ZCCHC18: variants seen among roughly 807,000 people sequenced by gnomAD.
ZCCHC18 encodes zinc finger CCHC domain-containing protein 18.
For synonymous variants in ZCCHC18, 112 were observed against 115.7 expected (o/e 0.97, Z 0.21); for missense variants, 292 against 305.1 (o/e 0.96, Z 0.32).
Position 104,115,030 on chromosome X carries a change from G to A in ZCCHC18, c.919G>A (p.Val307Met), listed in dbSNP as rs782671535. 8.4e-7 allele frequency: 1 copy of A among 1,195,346 alleles called. No homozygotes were observed. Among genetic ancestry groups the A allele is most frequent in the South Asian group, 1.8e-5 (1 of 54,741 alleles). ...AGGAAGAGCCAGACCTCTGGATCAAGTGCTGGTTATTGATTCCCCCAACAA... is the reference window on the plus strand; with the variant it reads ...AGGAAGAGCCAGACCTCTGGATCAAATGCTGGTTATTGATTCCCCCAACAA... Reference protein sequence around the residue: ...FRGRARPLDQVLVIDSPNNSG... With the variant: ...FRGRARPLDQMLVIDSPNNSG... The change falls in exon 3 of 3, where the codon GTG becomes ATG. Residue 307 changes from valine to methionine, a missense_variant. Transcript: ENST00000650639.
In ZCCHC18 at chrX:104,115,154, G is replaced by A. The variant is rs782582436; in HGVS notation, c.1043G>A (p.Arg348His). 211 of 1,206,481 alleles carry A rather than the reference G, an allele frequency of 1.7e-4. No individual in the cohort carries two copies. The highest frequency in any genetic ancestry group is 2.3e-4 in the Middle Eastern group (1 of 4,349). ...RRARKRKYTT[R>H]CSYCGEEGHS... ...GCCAGGAAGCGAAAATACACAACCC[G>A]CTGCTCATATTGTGGGGAGGAGGGC... Residue 348 changes from arginine (R) to histidine (H), a missense_variant, in exon 3 of 3, where the codon CGC becomes CAC. Transcript: ENST00000650639.
chrX:104,114,727 C>T lies in ZCCHC18; in HGVS notation c.616C>T (p.Leu206Phe). 2 of 1,211,915 alleles carry T rather than the reference C, an allele frequency of 1.7e-6. No homozygotes were observed. The highest frequency in any genetic ancestry group is 2.2e-6 in the Non-Finnish European group (2 of 895,574). ...LRMYANKQERLPNFLELIKMI... is the reference protein window; with the variant it reads ...LRMYANKQERFPNFLELIKMI... The stretch of plus-strand genomic sequence containing the variant: ...GATGTATGCAAATAAGCAGGAGCGG[C>T]TTCCCAATTTCCTGGAGTTAATCAA... Residue 206 changes from leucine to phenylalanine, a missense_variant, in exon 3 of 3, where the codon CTT (leucine) becomes TTT (phenylalanine). Transcript: ENST00000650639.
In ZCCHC18 at chrX:104,114,379, C is replaced by T; in HGVS notation, c.268C>T (p.Leu90Phe). ...EEKLKRLMKT[L>F]RGPAREVMRL... is the part of the protein sequence containing the mutation. ...AAAACTCAAGCGCTTGATGAAAACA[C>T]TTAGGGGCCCTGCCCGGGAGGTCAT... Residue 90 changes from leucine (L) to phenylalanine (F), a missense_variant, in exon 3 of 3, where the codon CTT becomes TTT. By Grantham distance (22) the Leu-to-Phe change is conservative (BLOSUM62 0). Transcript: ENST00000650639. 2 of 1,211,778 alleles carry T rather than the reference C, an allele frequency of 1.7e-6. No individual in the cohort carries two copies. The highest frequency in any genetic ancestry group is 2.2e-6 in the Non-Finnish European group (2 of 895,492).
In ZCCHC18 at chrX:104,112,759, G is replaced by C. The variant is rs1201809319; in HGVS notation, c.-973G>C. ...TACGGGGACCGGAAGGCGAAACAGA[G>C]CTGTGGACGCGGGAGCACATGCTGC... On this transcript the variant is annotated 5_prime_UTR_variant, in exon 1 of 3. Coordinates refer to ENST00000650639, the MANE Select transcript of ZCCHC18 (RefSeq NM_001143978.3). The C allele has an allele frequency of 1.8e-5, 2 of 112,867 alleles. No homozygotes were observed. Among genetic ancestry groups the C allele is most frequent in the Non-Finnish European group, 3.8e-5 (2 of 53,328 alleles). The allele number at this position is 112,867 out of a possible 1,213,427, so 9.3% of individuals were successfully genotyped here.
rs782695183 is a variant in ZCCHC18, at chrX:104,114,966, G to A, written c.855G>A (p.Leu285=). The A allele has an allele frequency of 8.4e-7, 1 of 1,193,441 alleles. No homozygotes were observed. Among genetic ancestry groups the A allele is most frequent in the Non-Finnish European group, 1.1e-6 (1 of 886,578 alleles). The change falls in exon 3 of 3, where the codon CTG becomes CTA. Residue 285 remains leucine, a synonymous_variant. Coordinates refer to ENST00000650639, the MANE Select transcript of ZCCHC18 (RefSeq NM_001143978.3). ...SDEDVILVVS[L]YPSLTPTGAP... Reference sequence around the variant, plus strand: ...AGGATGTGATCCTGGTGGTGTCTCTGTACCCTTCACTGACACCTACAGGTG... The same window carrying A: ...AGGATGTGATCCTGGTGGTGTCTCTATACCCTTCACTGACACCTACAGGTG...
chrX:104,115,278 A>T lies in ZCCHC18; in HGVS notation c.1167A>T (p.Ser389=). 8.4e-7 allele frequency: 1 copy of T among 1,186,661 alleles called. No homozygotes were observed. Among genetic ancestry groups the T allele is most frequent in the Non-Finnish European group, 1.1e-6 (1 of 882,474 alleles). Residue 389 remains serine, a synonymous_variant, in exon 3 of 3, where the codon TCA becomes TCT. Transcript: ENST00000650639. The part of the protein sequence containing the change: ...LQELTHTEER[S]KEVPGEHSDA... ...AGCTGACACATACAGAGGAGAGGTC[A>T]AAAGAGGTCCCTGGAGAACACAGTG...
In ZCCHC18 at chrX:104,114,234, A is replaced by G; in HGVS notation, c.123A>G (p.Ala41=). Residue 41 remains alanine (A), a synonymous_variant, in exon 3 of 3, where the codon GCA becomes GCG. Coordinates refer to ENST00000650639, the MANE Select transcript of ZCCHC18 (RefSeq NM_001143978.3). ...TCTGTCCTTTAGTGGTCAAAATGGC[A>G]GAGAGAAACATGAAGTTGTTCTCAG... ...RSLCPLVVKM[A]ERNMKLFSGR... is the part of the protein sequence containing the mutation. The G allele has an allele frequency of 1.7e-6, 2 of 1,208,805 alleles. No individual in the cohort carries two copies. The highest frequency in any genetic ancestry group is 3.5e-5 in the South Asian group (2 of 56,517).
At position 104,115,009 on chromosome X, in the gene ZCCHC18, A is replaced by G; in HGVS notation, c.898A>G (p.Arg300Gly). ...TPTGAPPFRG[R>G]ARPLDQVLVI... ...TACAGGTGCCCCTCCCTTCAGAGGA[A>G]GAGCCAGACCTCTGGATCAAGTGCT... is the stretch of plus-strand genomic sequence containing the variant. The change falls in exon 3 of 3, where the codon AGA (arginine) becomes GGA (glycine). Residue 300 changes from arginine to glycine, a missense_variant. Arg to Gly is a moderately radical substitution (Grantham distance 125). Coordinates refer to ENST00000650639, the MANE Select transcript of ZCCHC18 (RefSeq NM_001143978.3). The G allele has an allele frequency of 8.4e-7, 1 of 1,193,698 alleles. No individual in the cohort carries two copies. The highest frequency in any genetic ancestry group is 1.7e-5 in the African/African-American group (1 of 57,362).
rs2075365998 is a variant in ZCCHC18, at chrX:104,114,396, G to A, written c.285G>A (p.Arg95=). Residue 95 remains arginine, a synonymous_variant, in exon 3 of 3, where the codon CGG becomes CGA. Transcript: ENST00000650639. ...TGAAAACACTTAGGGGCCCTGCCCG[G>A]GAGGTCATGCGTTTGCTTCAGGCGG... ...RLMKTLRGPA[R]EVMRLLQAAN... 12 of 1,210,099 alleles carry A rather than the reference G, an allele frequency of 9.9e-6. No homozygotes were observed. Among genetic ancestry groups the A allele is most frequent in the African/African-American group, 1.8e-5 (1 of 57,090 alleles).
Position 104,114,256 on chromosome X carries a change from T to G in ZCCHC18, c.145T>G (p.Ser49Ala), listed in dbSNP as rs782406084. The G allele has an allele frequency of 3.3e-6, 4 of 1,207,591 alleles. No homozygotes were observed. In the South Asian group the frequency reaches 5.3e-5, roughly 16 times the overall value. ...GGCAGAGAGAAACATGAAGTTGTTC[T>G]CAGGAAGAGTGGTGCCAGCCCAGGG... ...KMAERNMKLF[S>A]GRVVPAQGKE... The change falls in exon 3 of 3, where the codon TCA (serine) becomes GCA (alanine). Residue 49 changes from serine (S) to alanine (A), a missense_variant. Physicochemically the swap from Ser to Ala is moderately conservative, Grantham distance 99 (BLOSUM62 1). Transcript: ENST00000650639.
chrX:104,114,099 A>G lies in ZCCHC18; in HGVS notation c.-13A>G. 8.3e-7 allele frequency: 1 copy of G among 1,211,597 alleles called. No individual in the cohort carries two copies. The highest frequency in any genetic ancestry group is 1.8e-5 in the South Asian group (1 of 56,931). On this transcript the variant is annotated 5_prime_UTR_variant, in exon 3 of 3. Coordinates refer to ENST00000650639, the MANE Select transcript of ZCCHC18 (RefSeq NM_001143978.3). ...GCATCTTGTTGTATTCAGATACCCT[A>G]TCGTCGTCAGTCATGGCTAGCATCA...
At position 104,114,420 on chromosome X, in the gene ZCCHC18, G is replaced by A. The variant is rs782340726; in HGVS notation, c.309G>A (p.Ala103=). The A allele has an allele frequency of 1.1e-4, 131 of 1,210,033 alleles. No homozygotes were observed. The highest frequency in any genetic ancestry group is 1.4e-4 in the Non-Finnish European group (127 of 895,287). ...PAREVMRLLQ[A]ANPNLSVADF... is the part of the protein sequence containing the mutation. ...GGGAGGTCATGCGTTTGCTTCAGGC[G>A]GCCAACCCCAACCTAAGTGTAGCAG... The change falls in exon 3 of 3, where the codon GCG becomes GCA. Residue 103 remains alanine, a synonymous_variant. Coordinates refer to ENST00000650639, the MANE Select transcript of ZCCHC18 (RefSeq NM_001143978.3).
Position 104,113,970 on chromosome X carries a change from C to T in ZCCHC18, c.-142C>T, listed in dbSNP as rs1403461011. On this transcript the variant is annotated 5_prime_UTR_variant, in exon 3 of 3. Transcript: ENST00000650639. ...TCCCCACAGCCCACTATCTTATTAA[C>T]CTTTTTTACTTTCCTTAGAATCCCT... The T allele has an allele frequency of 6.9e-6, 7 of 1,015,371 alleles. No individual in the cohort carries two copies. In the East Asian group the frequency reaches 9.9e-5, roughly 14 times the overall value. 83.7% of individuals were successfully genotyped at this position (1,015,371 alleles called of 1,213,427 possible). A position where few individuals can be genotyped will look rare whatever the true frequency, so the allele number is the denominator to read the frequency against.
Position 104,115,199 on chromosome X carries a change from A to G in ZCCHC18, c.1088A>G (p.Asp363Gly). Reference protein sequence around the residue: ...GEEGHSKETCDNESNKAQVFE... With the variant: ...GEEGHSKETCGNESNKAQVFE... The stretch of plus-strand genomic sequence containing the variant: ...GAGGGCCACTCAAAAGAAACCTGTG[A>G]CAATGAGAGCAACAAGGCCCAGGTT... The change falls in exon 3 of 3, where the codon GAC (aspartate) becomes GGC (glycine). Residue 363 changes from aspartate (D) to glycine (G), a missense_variant. Asp to Gly is a moderately conservative substitution (Grantham distance 94). Coordinates refer to ENST00000650639, the MANE Select transcript of ZCCHC18 (RefSeq NM_001143978.3). 8.3e-7 allele frequency: 1 copy of G among 1,209,582 alleles called. No individual in the cohort carries two copies. The highest frequency in any genetic ancestry group is 3.0e-5 in the East Asian group (1 of 33,814).
intron 1 of ZCCHC18, 85 bp downstream of exon 1, chrX:104,113,086 G>A (rs1481670283): frequency 3.6e-5 from 4 of 109,968 alleles, no homozygotes; most frequent in East Asian, 5.8e-4. Context: ...GGGGCGGGAG[G>A]AGACGATCGC....
rs781876239 is a variant in ZCCHC18 at position 104,114,394 on chromosome X, C to T, written c.283C>T (p.Arg95Trp). The T allele has an allele frequency of 1.7e-6, 2 of 1,211,869 alleles. No homozygotes were observed. Among genetic ancestry groups the T allele is most frequent in the Middle Eastern group, 4.6e-4 (2 of 4,355 alleles). The change falls in exon 3 of 3, where the codon CGG becomes TGG. Residue 95 changes from arginine to tryptophan, a missense_variant. Transcript: ENST00000650639. ...GATGAAAACACTTAGGGGCCCTGCC[C>T]GGGAGGTCATGCGTTTGCTTCAGGC... Reference protein sequence around the residue: ...RLMKTLRGPAREVMRLLQAAN... With the variant: ...RLMKTLRGPAWEVMRLLQAAN...
Position 104,114,633 on chromosome X carries a change from C to G in ZCCHC18, c.522C>G (p.Arg174=), listed in dbSNP as rs188185160. The G allele has an allele frequency of 4.3e-5, 52 of 1,210,351 alleles. No homozygotes were observed. In the African/African-American group the frequency reaches 8.2e-4, roughly 19 times the overall value. ...CTGAGAAAGATGCAAACCAGACTCGCTTGCAACAGCTTCTTTTAGGCGCTG... is the reference window on the plus strand; with the variant it reads ...CTGAGAAAGATGCAAACCAGACTCGGTTGCAACAGCTTCTTTTAGGCGCTG... ...ILAEKDANQT[R]LQQLLLGAEL... Residue 174 remains arginine, a synonymous_variant, in exon 3 of 3, where the codon CGC becomes CGG. Transcript: ENST00000650639.
chrX:104,114,781 G>A lies in ZCCHC18; in HGVS notation c.670G>A (p.Asp224Asn). The A allele has an allele frequency of 8.3e-7, 1 of 1,211,742 alleles. No homozygotes were observed. Among genetic ancestry groups the A allele is most frequent in the Non-Finnish European group, 1.1e-6 (1 of 895,380 alleles). The change falls in exon 3 of 3, where the codon GAT becomes AAT. Residue 224 changes from aspartate to asparagine, a missense_variant. Asp to Asn is a conservative substitution (Grantham distance 23, BLOSUM62 1). Coordinates refer to ENST00000650639, the MANE Select transcript of ZCCHC18 (RefSeq NM_001143978.3). ...KMIREEEDWD[D>N]AFIKRKRPKR... is the part of the protein sequence containing the mutation. ...GATAAGGGAGGAAGAGGATTGGGAT[G>A]ATGCTTTTATTAAACGGAAGCGGCC... is the stretch of plus-strand genomic sequence containing the variant.
In ZCCHC18 at chrX:104,115,331, G is replaced by C. The variant is rs782331522; in HGVS notation, c.*8G>C. On this transcript the variant is annotated 3_prime_UTR_variant, in exon 3 of 3. Transcript: ENST00000650639. ...GCTTCTGAGCCACAGTAAGGATCTA[G>C]TCCAGCCCTAAATGAGTCCTTGACT... 9 of 1,146,539 alleles carry C rather than the reference G, an allele frequency of 7.8e-6. No homozygotes were observed. The Admixed American group carries it at 8.3e-5, about 11-fold the overall frequency. The allele number at this position is 1,146,539 out of a possible 1,213,427, so 94.5% of individuals were successfully genotyped here. A position where few individuals can be genotyped will look rare whatever the true frequency, so the allele number is the denominator to read the frequency against.
Sources: gnomAD v4.1 joint callset for allele counts on GRCh38, gnomAD v4.1.1 for gene constraint, MANE v1.5 for transcripts, NCBI Gene and HGNC (gene_info 2026-07-23, HGNC 2026-07-21) for gene names.